POU3F3: variants seen among roughly 807,000 people sequenced by gnomAD.
The protein encoded by POU3F3 is POU domain, class 3, transcription factor 3.
In POU3F3, 1 loss-of-function variant was observed where a neutral mutation model predicts 8.6. The observed-to-expected ratio is 0.12, with a 90% CI of 0.04 to 0.55. The LOEUF is 0.55. POU3F3 is among the 20% of genes least tolerant of loss of function. The probability of loss-of-function intolerance (pLI) is 0.91; values close to 1 mark genes in which losing one functional copy is unlikely to be tolerated. For missense variants in POU3F3, 577 were observed against 690.7 expected (o/e 0.84, Z 1.84); for synonymous variants, 418 against 327.4 (o/e 1.28, Z -2.99).
At chr2:104,926,718 T>C in the POU3F3 span, among the ~76,000 whole-genome samples, 1 of 152,128 alleles carries the variant, frequency 6.6e-6, no homozygotes, top group South Asian at 2.1e-4. Context: ...AATGATAGAC[T>C]AGATAAAGAA....
the POU3F3 span, among the ~76,000 whole-genome samples, chr2:104,876,704 C>T: frequency 1.3e-5 from 2 of 152,156 alleles, no homozygotes; most frequent in Admixed American, 1.3e-4. Context: ...GGCTGCGGCT[C>T]CCAGCTTGAG....
the POU3F3 span, among the ~76,000 whole-genome samples, chr2:104,923,234 G>A: frequency 1.1e-4 from 17 of 152,142 alleles, no homozygotes; most frequent in Non-Finnish European, 2.4e-4. Context: ...GTAAATGCAT[G>A]GGAATTTATA....
At chr2:104,853,661 T>C (rs1209721413), upstream of POU3F3, 1 of 151,900 alleles carries the variant, frequency 6.6e-6, no homozygotes, top group Non-Finnish European at 1.5e-5. Flanking sequence ...GCGTACTAGG[T>C]GGGGTGGGCA....
At chr2:104,902,948 G>T in the POU3F3 span, among the ~76,000 whole-genome samples, 1 of 152,236 alleles carries the variant, frequency 6.6e-6, no homozygotes, top group South Asian at 2.1e-4. Flanking sequence ...TTCCTCCAGC[G>T]ACACTCTGAG....
the POU3F3 span, among the ~76,000 whole-genome samples, chr2:104,909,736 T>C: frequency 6.6e-6 from 1 of 152,260 alleles, no homozygotes; most frequent in Non-Finnish European, 1.5e-5. Context: ...AAGTGACTGG[T>C]AATGAAGACG....
chr2:104,863,775 T>C, the POU3F3 span, among the ~76,000 whole-genome samples: 1 of 152,210 alleles, frequency 6.6e-6, no homozygotes, highest in African/African-American at 2.4e-5. Flanking sequence ...ATGCGCTGAC[T>C]TGTTCCAACC....
chr2:104,922,023 A>C, the POU3F3 span, among the ~76,000 whole-genome samples: 1 of 152,198 alleles, frequency 6.6e-6, no homozygotes, highest in Non-Finnish European at 1.5e-5. Flanking sequence ...CCACATATTC[A>C]GGAATTTAGA....
chr2:104,885,479 C>T, the POU3F3 span, among the ~76,000 whole-genome samples: 1 of 152,220 alleles, frequency 6.6e-6, no homozygotes, highest in African/African-American at 2.4e-5. Context: ...CAGCCCAAAC[C>T]TGCCAAAACC....
chr2:104,891,802 C>A, the POU3F3 span, among the ~76,000 whole-genome samples: 1 of 152,148 alleles, frequency 6.6e-6, no homozygotes, highest in African/African-American at 2.4e-5. Flanking sequence ...CGCAGTCTCC[C>A]CGACATCAAA....
chr2:104,890,080 C>T, the POU3F3 span, among the ~76,000 whole-genome samples: 1 of 152,234 alleles, frequency 6.6e-6, no homozygotes, highest in South Asian at 2.1e-4. Context: ...GGTTGACCGT[C>T]ACGGGACTCT....
chr2:104,901,259 A>G, the POU3F3 span, among the ~76,000 whole-genome samples: 1 of 152,240 alleles, frequency 6.6e-6, no homozygotes, highest in Non-Finnish European at 1.5e-5. Context: ...GAATCATAAA[A>G]GTCAATTAAT....
At chr2:104,879,241 A>G in the POU3F3 span, among the ~76,000 whole-genome samples, 1 of 151,694 alleles carries the variant, frequency 6.6e-6, no homozygotes, top group Admixed American at 6.6e-5. Context: ...GAGAGAAGAA[A>G]CCGAGAGAGG....
downstream of POU3F3, among the ~76,000 whole-genome samples, chr2:104,861,224 A>G (rs1009748423): frequency 6.6e-6 from 1 of 152,204 alleles, no homozygotes; most frequent in Non-Finnish European, 1.5e-5. Flanking sequence ...AAATCCATTA[A>G]TAACTTGTAG....
chr2:104,873,226 C>A, the POU3F3 span, among the ~76,000 whole-genome samples: 9 of 152,168 alleles, frequency 5.9e-5, no homozygotes, highest in Admixed American at 5.9e-4. Context: ...CTGTCGTGTG[C>A]GTCCCAGCTC....
Position 104,854,377 on chromosome 2 carries a change from A to G in POU3F3, c.-1134A>G, listed in dbSNP as rs1438856231. Among the ~76,000 whole-genome samples, 4 of 152,082 alleles carry G rather than the reference A, an allele frequency of 2.6e-5. No individual in the cohort carries two copies. The highest frequency in any genetic ancestry group is 7.2e-5 in the African/African-American group (3 of 41,394). The stretch of plus-strand genomic sequence containing the variant: ...GTTGTGTATCAAGGATCGATCCCCT[A>G]TATGCACACACACACCTCCACCTCC... On this transcript the variant is annotated 5_prime_UTR_variant, in exon 1 of 1. Coordinates refer to ENST00000361360, the MANE Select transcript of POU3F3 (RefSeq NM_006236.3). This position sits in a 1 kb window ranked among gnomAD's most constrained non-coding sequence, Gnocchi z 4.5.
chr2:104,885,342 T>C, the POU3F3 span, among the ~76,000 whole-genome samples: 1 of 152,160 alleles, frequency 6.6e-6, no homozygotes, highest in East Asian at 1.9e-4. Flanking sequence ...CTGGGTAAAG[T>C]AAGGCTGAGA....
Position 104,857,361 on chromosome 2 carries a change from G to C in POU3F3, c.*348G>C, listed in dbSNP as rs1302283032. The C allele has an allele frequency of 1.3e-5, 2 of 154,236 alleles. No individual in the cohort carries two copies. The highest frequency in any genetic ancestry group is 2.9e-5 in the Non-Finnish European group (2 of 68,490). The allele number at this position is 154,236 out of a possible 1,614,324, so 9.6% of individuals were successfully genotyped here. ...CAAAACCGGAAGAGAAAAAGGGGGC[G>C]ATCATGAGATCTCGTTCATACTGTG... On this transcript the variant is annotated 3_prime_UTR_variant, in exon 1 of 1. Coordinates refer to ENST00000361360, the MANE Select transcript of POU3F3 (RefSeq NM_006236.3).
the POU3F3 span, among the ~76,000 whole-genome samples, chr2:104,875,646 C>A: frequency 2.6e-5 from 4 of 152,154 alleles, no homozygotes; most frequent in Non-Finnish European, 5.9e-5. Flanking sequence ...CAAGTTTTAG[C>A]AGAATGGAAA....
At chr2:104,901,675 T>C in the POU3F3 span, among the ~76,000 whole-genome samples, 1 of 152,170 alleles carries the variant, frequency 6.6e-6, no homozygotes, top group South Asian at 2.1e-4. Context: ...CAGTTTGGTG[T>C]GATTTAATTG....
Sources: gnomAD v4.1 joint callset for allele counts (sites outside exome capture counted in the v4.1 genomes callset) on GRCh38, gnomAD v4.1.1 for gene constraint, Gnocchi (gnomAD v3.1) non-coding constraint, MANE v1.5 for transcripts, NCBI Gene and HGNC (gene_info 2026-07-23, HGNC 2026-07-21) for gene names.